The following AGBL1 variants were observed in gnomAD, a reference collection of about 807,000 sequenced individuals.
The protein encoded by AGBL1 is cytosolic carboxypeptidase 4.
AGBL1 carries 130 observed loss-of-function variants against 118.9 expected under a neutral mutation model. That is an observed-to-expected ratio of 1.09 (90% confidence interval 0.95 to 1.26). The LOEUF (loss-of-function observed/expected upper bound fraction) is 1.26. Among genes scored for constraint, AGBL1 ranks in the 50% most tolerant of loss-of-function variants. The pLI is 0.00. For missense variants in AGBL1, 1,584 were observed against 1,298.1 expected, an observed-to-expected ratio of 1.22 and a Z score of -3.38; for synonymous variants, 555 against 478.9, an observed-to-expected ratio of 1.16 and a Z score of -2.08.
chr15:86,973,921 ATAT>A (rs1307364755), intron 23 of AGBL1, among the ~76,000 whole-genome samples: 1 of 145,202 alleles, frequency 6.9e-6, no homozygotes, highest in African/African-American at 2.5e-5. Flanking sequence ...AACATATTTA[ATAT>A]ATTAAATATA....
intron 24 of AGBL1, among the ~76,000 whole-genome samples, chr15:87,008,003 A>G (rs1435837487): frequency 6.6e-6 from 1 of 152,230 alleles, no homozygotes; most frequent in Non-Finnish European, 1.5e-5. Flanking sequence ...ATTGCTGAAG[A>G]TAGATTTTTC....
chr15:86,088,410 C>G (rs1418818695), intron 1 of AGBL1: 1 of 152,254 alleles, frequency 6.6e-6, no homozygotes, highest in East Asian at 1.9e-4. Context: ...CTATGCAGTT[C>G]AGAGTCCTGA....
intron 22 of AGBL1, among the ~76,000 whole-genome samples, chr15:86,797,203 A>G (rs750355327): frequency 4.6e-5 from 7 of 152,222 alleles, no homozygotes; most frequent in Non-Finnish European, 8.8e-5. Context: ...TTTTATATAT[A>G]ATTCTCAAAG....
intron 22 of AGBL1, among the ~76,000 whole-genome samples, chr15:86,796,983 T>G (rs986961867): frequency 1.3e-5 from 2 of 152,208 alleles, no homozygotes; most frequent in African/African-American, 4.8e-5. Flanking sequence ...GTACAGAACA[T>G]GGACTCTGAA....
Position 86,478,076 on chromosome 15 carries a change from G to T in AGBL1, c.2556-44734G>T, listed in dbSNP as rs28756385. 2.6e-5 allele frequency among the ~76,000 whole-genome samples: 4 copies of T among 151,966 alleles called. No homozygotes were observed. The South Asian group carries it at 8.3e-4, about 32-fold the overall frequency. On this transcript the variant is annotated intron_variant, in intron 18 of 22. Transcript: ENST00000614907. ...TCAATAAATTAGGTACTGAAGGGAC[G>T]TATCTCAAAATAATAAGAGCTATTT... is the stretch of plus-strand genomic sequence containing the variant.
chr15:86,317,344 C>T (rs573434101), intron 17 of AGBL1, among the ~76,000 whole-genome samples: 11 of 152,244 alleles, frequency 7.2e-5, no homozygotes, highest in Admixed American at 2.0e-4. Flanking sequence ...AAAACAATAT[C>T]CTATCCGCAC....
At chr15:86,687,435 C>G (rs1274674976) in intron 22 of AGBL1, among the ~76,000 whole-genome samples, 1 of 152,114 alleles carries the variant, frequency 6.6e-6, no homozygotes. Flanking sequence ...GCCCCCTACC[C>G]AAGAACAATG....
intron 22 of AGBL1, among the ~76,000 whole-genome samples, chr15:86,759,974 A>AC (rs2078001082): frequency 6.6e-6 from 1 of 152,066 alleles, no homozygotes; most frequent in Non-Finnish European, 1.5e-5. Flanking sequence ...GACTTACTGA[A>AC]ACAGCAGCAG....
At chr15:87,009,381 TG>T (rs1338914882) in intron 24 of AGBL1, among the ~76,000 whole-genome samples, 3 of 152,214 alleles carry the variant, frequency 2.0e-5, no homozygotes, top group Non-Finnish European at 4.4e-5. Context: ...AATTGAGGTT[TG>T]GGATCCTCTG....
chr15:86,843,517 T>G (rs1399809750), intron 22 of AGBL1, among the ~76,000 whole-genome samples: 1 of 7,770 alleles, frequency 1.3e-4, no homozygotes, highest in East Asian at 0.17. Context: ...AAGACCCCGT[T>G]TTTTTTTGTT....
At chr15:86,460,672 G>C (rs1315721463) in intron 18 of AGBL1, among the ~76,000 whole-genome samples, 1 of 152,206 alleles carries the variant, frequency 6.6e-6, no homozygotes, top group Non-Finnish European at 1.5e-5. Context: ...CTTACCATCA[G>C]AGAAGTCAGA....
At chr15:86,408,453 T>C (rs1180571862) in intron 18 of AGBL1, among the ~76,000 whole-genome samples, 1 of 152,198 alleles carries the variant, frequency 6.6e-6, no homozygotes, top group East Asian at 1.9e-4. Context: ...CCTCTACCAG[T>C]CATCTGTTCC....
At chr15:86,704,285 A>G (rs1300200393) in intron 22 of AGBL1, among the ~76,000 whole-genome samples, 3 of 152,212 alleles carry the variant, frequency 2.0e-5, no homozygotes, top group Non-Finnish European at 4.4e-5. Context: ...AAATTGGCAA[A>G]TGGCATCTAA....
intron 21 of AGBL1, among the ~76,000 whole-genome samples, chr15:86,569,424 A>G (rs1387945968): frequency 2.6e-5 from 4 of 151,880 alleles, no homozygotes; most frequent in African/African-American, 4.8e-5. Context: ...AAAAAAAAAA[A>G]AGAGAGAAAT....
intron 5 of AGBL1, among the ~76,000 whole-genome samples, chr15:86,182,644 C>CT (rs1391610092): frequency 6.6e-6 from 1 of 152,144 alleles, no homozygotes; most frequent in Non-Finnish European, 1.5e-5. Context: ...TGATTACCTC[C>CT]TTTTTTTGAA....
chr15:86,851,495 T>G (rs1362796907), intron 22 of AGBL1, among the ~76,000 whole-genome samples: 1 of 152,162 alleles, frequency 6.6e-6, no homozygotes, highest in Non-Finnish European at 1.5e-5. Context: ...TGGTAAGATA[T>G]ATATCAAACC....
chr15:86,214,633 C>T (rs1371415691), intron 5 of AGBL1, among the ~76,000 whole-genome samples: 1 of 149,912 alleles, frequency 6.7e-6, no homozygotes, highest in Non-Finnish European at 1.5e-5. Flanking sequence ...TGCTCCTTTC[C>T]CCTCAGACAT....
At chr15:86,747,049 A>T (rs777346324) in intron 22 of AGBL1, among the ~76,000 whole-genome samples, 6 of 152,034 alleles carry the variant, frequency 3.9e-5, no homozygotes, top group Non-Finnish European at 7.4e-5. Context: ...AATAGGGATG[A>T]TACCACCAAT....
At chr15:86,737,037 C>A (rs1159690744) in intron 22 of AGBL1, among the ~76,000 whole-genome samples, 1 of 152,154 alleles carries the variant, frequency 6.6e-6, no homozygotes, top group Admixed American at 6.6e-5. Context: ...TTTATATGCC[C>A]TGTACTGTGC....
Sources: allele counts gnomAD v4.1 joint callset (sites outside exome capture counted in the v4.1 genomes callset), GRCh38; gene constraint gnomAD v4.1.1; transcripts MANE v1.5; gene names NCBI Gene and HGNC (gene_info 2026-07-23, HGNC 2026-07-21).